Variants in ABHD12B observed in about 807,000 individuals in gnomAD.
ABHD12B encodes protein ABHD12B.
A neutral mutation model predicts 50.4 loss-of-function variants in ABHD12B; 42 were observed. The observed-to-expected ratio is 0.83, with a 90% CI of 0.65 to 1.08. ABHD12B has a LOEUF of 1.08. Among genes scored for constraint, ABHD12B ranks in the 50% least tolerant of loss-of-function variants. The pLI, the probability that ABHD12B is intolerant of heterozygous loss-of-function variation, is 0.00. For missense variants in ABHD12B, 479 were observed against 447.7 expected (o/e 1.07, Z -0.63); for synonymous variants, 167 against 160.3 (o/e 1.04, Z -0.32).
intron 5 of ABHD12B, among the ~76,000 whole-genome samples, chr14:50,883,537 C>T (rs1006504263): frequency 2.0e-5 from 3 of 152,266 alleles, no homozygotes; most frequent in Non-Finnish European, 4.4e-5. Context: ...CCTTTGCATT[C>T]CCCACGTGGA....
Position 50,877,642 on chromosome 14 carries a change from G to A in ABHD12B, c.105-310G>A, listed in dbSNP as rs192579006. ...GTGTTAGTCTCTGAAATTTGGGGGC[G>A]GATCACCTGAGGTCAGGAGTTCGAG... On this transcript the variant is annotated intron_variant, in intron 1 of 12. Coordinates refer to ENST00000337334, the MANE Select transcript of ABHD12B (RefSeq NM_001206673.2). Among the ~76,000 whole-genome samples the A allele has an allele frequency of 5.0e-4, 76 of 152,240 alleles. 1 individual carries two copies. Among genetic ancestry groups the A allele is most frequent in the African/African-American group, 1.7e-3 (70 of 41,550 alleles).
At chr14:50,874,334 CTCACATCT>C (rs1278379525) in intron 1 of ABHD12B, among the ~76,000 whole-genome samples, 1 of 152,194 alleles carries the variant, frequency 6.6e-6, no homozygotes, top group Admixed American at 6.5e-5. Context: ...GGCATTGTGG[CTCACATCT>C]GTAATCCCAG....
chr14:50,904,079 T>A lies in ABHD12B; in HGVS notation c.948T>A (p.Tyr316Ter), dbSNP rs772094869. 6.2e-7 allele frequency: 1 copy of A among 1,612,304 alleles called. No individual in the cohort carries two copies. The highest frequency in any genetic ancestry group is 8.5e-7 in the Non-Finnish European group (1 of 1,179,062). ...TVPLEYGKKL[Y>*]EIARNAYRNK... ...TCTCTTTCTGTCGCTTGCAGCTCTA[T>A]GAAATTGCACGCAATGCATACAGGA... The change falls in exon 12 of 13, where the codon TAT becomes TAA. Residue 316 changes from tyrosine (Y) to a stop codon, truncating the protein, a stop_gained. Coordinates refer to ENST00000337334, the MANE Select transcript of ABHD12B (RefSeq NM_001206673.2). LOFTEE classifies it high-confidence loss of function.
At chr14:50,902,199 G>A (rs1438771880) in intron 10 of ABHD12B, among the ~76,000 whole-genome samples, 1 of 128,522 alleles carries the variant, frequency 7.8e-6, no homozygotes, top group African/African-American at 3.1e-5. Context: ...ACCTTTTAAA[G>A]GGCTTGGTAG....
chr14:50,885,518 C>A, intron 5 of ABHD12B, 96 bp from the exon 6 acceptor site: 1 of 1,386,882 alleles, frequency 7.2e-7, no homozygotes, highest in South Asian at 1.2e-5. Flanking sequence ...TTTGAAAGAG[C>A]CCTCCTTGTG....
intron 1 of ABHD12B, among the ~76,000 whole-genome samples, chr14:50,877,749 G>A (rs1595999465): frequency 6.6e-6 from 1 of 151,794 alleles, no homozygotes; most frequent in Non-Finnish European, 1.5e-5. Flanking sequence ...TGCCTGTAAT[G>A]CCAGCTACTT....
chr14:50,885,447 A>G (rs1368264864), intron 5 of ABHD12B, among the ~76,000 whole-genome samples, 167 bp from the exon 6 acceptor site: 1 of 152,240 alleles, frequency 6.6e-6, no homozygotes, highest in Non-Finnish European at 1.5e-5. Context: ...AATACAAAAT[A>G]ATAGCTGTTT....
intron 5 of ABHD12B, among the ~76,000 whole-genome samples, chr14:50,882,669 C>T (rs922116915): frequency 9.9e-5 from 15 of 151,618 alleles, no homozygotes; most frequent in South Asian, 2.1e-4. Flanking sequence ...CATGAGCCAC[C>T]GCGCCCACCC....
intron 2 of ABHD12B, 57 bp from the exon 3 acceptor site, chr14:50,878,688 G>A (rs2049896071): frequency 7.1e-7 from 1 of 1,416,338 alleles, no homozygotes; most frequent in Non-Finnish European, 9.9e-7. Flanking sequence ...TTCTTTGATT[G>A]TGATTAAAAG....
Position 50,888,812 on chromosome 14 carries a change from T to A in ABHD12B, c.701-12T>A. On this transcript the variant is annotated splice_polypyrimidine_tract_variant and intron_variant, in intron 8 of 12. Coordinates refer to ENST00000337334, the MANE Select transcript of ABHD12B (RefSeq NM_001206673.2). Reference sequence around the variant, plus strand: ...AGTTACTGATTTCTTTCTTTCTTTCTTTCATTTCAAGGATGCCCAGTTGAT... The same window carrying A: ...AGTTACTGATTTCTTTCTTTCTTTCATTCATTTCAAGGATGCCCAGTTGAT... 1.2e-6 allele frequency: 2 copies of A among 1,610,162 alleles called. No individual in the cohort carries two copies. Among genetic ancestry groups the A allele is most frequent in the East Asian group, 2.2e-5 (1 of 44,752 alleles).
intron 1 of ABHD12B, among the ~76,000 whole-genome samples, chr14:50,876,913 T>C (rs2049871485): frequency 6.6e-6 from 1 of 152,180 alleles, no homozygotes; most frequent in African/African-American, 2.4e-5. Context: ...TAATGGATAA[T>C]GTGGGCAAAA....
rs549171801 is a variant in ABHD12B at position 50,878,646 on chromosome 14, A to C, written c.233-99A>C. 1.6e-5 allele frequency: 15 copies of C among 929,262 alleles called. No homozygotes were observed. In the South Asian group the frequency reaches 2.4e-4, roughly 15 times the overall value. 57.6% of individuals were successfully genotyped at this position (929,262 alleles called of 1,614,324 possible). A position where few individuals can be genotyped will look rare whatever the true frequency, so the allele number is the denominator to read the frequency against. On this transcript the variant is annotated intron_variant, in intron 2 of 12. Transcript: ENST00000337334. ...AGTTTAGTGTAGTAGCTTGCAACTT[A>C]GAAGCCTGTTAACCTGTGTAGGCTA... is the stretch of plus-strand genomic sequence containing the variant.
In ABHD12B at chr14:50,880,543, G is replaced by T; in HGVS notation, c.427G>T (p.Val143Phe). The T allele has an allele frequency of 6.2e-7, 1 of 1,605,784 alleles. No individual in the cohort carries two copies. Among genetic ancestry groups the T allele is most frequent in the East Asian group, 2.3e-5 (1 of 44,110 alleles). ...AALRDGNPIIVYLHGSAEHRA... is the reference protein window; with the variant it reads ...AALRDGNPIIFYLHGSAEHRA... ...CCTTCGTGATGGGAACCCAATTATT[G>T]TTTATCTTCATGGCAGTGCAGAACA... Residue 143 changes from valine to phenylalanine, a missense_variant, in exon 4 of 13, where the codon GTT becomes TTT. Coordinates refer to ENST00000337334, the MANE Select transcript of ABHD12B (RefSeq NM_001206673.2).
intron 5 of ABHD12B, among the ~76,000 whole-genome samples, chr14:50,884,365 A>C (rs1463496337): frequency 6.6e-6 from 1 of 152,218 alleles, no homozygotes; most frequent in Non-Finnish European, 1.5e-5. Flanking sequence ...GGAATGTAAC[A>C]GATATGTAAA....
intron 1 of ABHD12B, among the ~76,000 whole-genome samples, chr14:50,877,432 G>A (rs1428552119): frequency 6.6e-6 from 1 of 152,160 alleles, no homozygotes; most frequent in African/African-American, 2.4e-5. Context: ...TGGCTGTGGT[G>A]CGAACATATC....
chr14:50,903,573 T>C (rs2050291931), intron 11 of ABHD12B, 106 bp downstream of exon 11: 1 of 867,834 alleles, frequency 1.2e-6, no homozygotes, highest in South Asian at 1.7e-5. Flanking sequence ...TCTGACATTA[T>C]AGGAGATTCT....
intron 9 of ABHD12B, among the ~76,000 whole-genome samples, chr14:50,890,376 G>C (rs953285790): frequency 2.0e-5 from 3 of 152,106 alleles, no homozygotes; most frequent in Non-Finnish European, 2.9e-5. Flanking sequence ...CCACACTCTA[G>C]AAGTCTTCTG....
At chr14:50,901,351 T>C (rs987093636) in intron 9 of ABHD12B, among the ~76,000 whole-genome samples, 1 of 152,216 alleles carries the variant, frequency 6.6e-6, no homozygotes, top group Non-Finnish European at 1.5e-5. Context: ...AAAACTAAAA[T>C]GTCTTTTAAG....
chr14:50,902,306 G>A (rs1229839080), intron 10 of ABHD12B, among the ~76,000 whole-genome samples: 1 of 152,058 alleles, frequency 6.6e-6, no homozygotes, highest in Non-Finnish European at 1.5e-5. Context: ...AACACAGGGA[G>A]ACACCATCTC....
Sources: gnomAD v4.1 joint callset for allele counts (sites outside exome capture counted in the v4.1 genomes callset) on GRCh38, gnomAD v4.1.1 for gene constraint, MANE v1.5 for transcripts, NCBI Gene and HGNC (gene_info 2026-07-23, HGNC 2026-07-21) for gene names.